HPSE2: variants seen among roughly 807,000 people sequenced by gnomAD.
HPSE2 encodes inactive heparanase-2.
Under a neutral mutation model 60.5 loss-of-function variants are expected in HPSE2, and 38 were observed. The ratio of observed to expected loss-of-function variants is 0.63; its 90% CI spans 0.48 to 0.82. The LOEUF is 0.82. Among genes scored for constraint, HPSE2 ranks in the 40% least tolerant of loss-of-function variants. The pLI is 0.00. For missense variants in HPSE2, 713 were observed against 740.4 expected (o/e 0.96, Z 0.43); for synonymous variants, 295 against 293.2 (o/e 1.01, Z -0.06).
intron 9 of HPSE2, among the ~76,000 whole-genome samples, chr10:98,589,696 T>C (rs777414023): frequency 1.3e-5 from 2 of 152,204 alleles, no homozygotes; most frequent in Non-Finnish European, 2.9e-5. Flanking sequence ...TCACATCATA[T>C]GATCCATCAC....
chr10:98,551,243 C>T (rs1943856488), intron 9 of HPSE2, among the ~76,000 whole-genome samples: 1 of 152,006 alleles, frequency 6.6e-6, no homozygotes, highest in South Asian at 2.1e-4. Flanking sequence ...CAACCAGTTG[C>T]ATGTTTTGGA....
intron 3 of HPSE2, among the ~76,000 whole-genome samples, chr10:99,012,223 T>C (rs1957034724): frequency 6.6e-6 from 1 of 152,154 alleles, no homozygotes; most frequent in Admixed American, 6.5e-5. Flanking sequence ...GATAGACTGA[T>C]TAATGGATTA....
chr10:99,115,099 T>C (rs1205479728), intron 3 of HPSE2, among the ~76,000 whole-genome samples: 1 of 151,020 alleles, frequency 6.6e-6, no homozygotes, highest in Non-Finnish European at 1.5e-5. Flanking sequence ...TCCTCCTGCC[T>C]GAGCCAACGG....
At chr10:98,942,598 T>C (rs558328576) in intron 3 of HPSE2, among the ~76,000 whole-genome samples, 1 of 152,252 alleles carries the variant, frequency 6.6e-6, no homozygotes, top group Non-Finnish European at 1.5e-5. Context: ...CTGGAGAGGA[T>C]GCAGAGAAAT....
At chr10:98,905,197 A>T (rs1045993354) in intron 3 of HPSE2, among the ~76,000 whole-genome samples, 12 of 151,742 alleles carry the variant, frequency 7.9e-5, no homozygotes, top group Admixed American at 6.6e-5. Context: ...TTTAGGGTAC[A>T]TGTGCACATT....
At chr10:98,766,659 G>A (rs138963622) in intron 3 of HPSE2, among the ~76,000 whole-genome samples, 10 of 152,206 alleles carry the variant, frequency 6.6e-5, no homozygotes, top group African/African-American at 9.6e-5. Context: ...GTGTGGTGAC[G>A]CATGCCTGTA....
the HPSE2 span, among the ~76,000 whole-genome samples, chr10:99,283,315 A>G: frequency 1.3e-5 from 2 of 151,880 alleles, no homozygotes; most frequent in Admixed American, 6.6e-5. Context: ...AATAAATATT[A>G]GAGATACATA....
At chr10:98,847,854 T>C in intron 3 of HPSE2, among the ~76,000 whole-genome samples, 1 of 152,186 alleles carries the variant, frequency 6.6e-6, no homozygotes. Flanking sequence ...GTGTGGTCCC[T>C]TTACTATTTG....
In HPSE2 at chr10:99,192,132, A is replaced by G. The variant is rs573954269; in HGVS notation, c.448+40216T>C. Among the ~76,000 whole-genome samples the G allele has an allele frequency of 3.3e-5, 5 of 152,334 alleles. No homozygotes were observed. The East Asian group carries it at 9.7e-4, about 29-fold the overall frequency. On this transcript the variant is annotated intron_variant, in intron 2 of 11. Transcript: ENST00000370552. ...AATATAGCCTCAAAATGACAAATCT[A>G]AGAGCTATTGTCCTTAAAGAAGAGG... is the stretch of plus-strand genomic sequence containing the variant.
chr10:99,270,795 G>A, the HPSE2 span, among the ~76,000 whole-genome samples: 1 of 152,136 alleles, frequency 6.6e-6, no homozygotes, highest in African/African-American at 2.4e-5. Context: ...CCATGACCAA[G>A]GGGGTTTCAT....
At chr10:98,856,996 A>G (rs983264271) in intron 3 of HPSE2, among the ~76,000 whole-genome samples, 1 of 152,096 alleles carries the variant, frequency 6.6e-6, no homozygotes, top group Non-Finnish European at 1.5e-5. Flanking sequence ...CTCCTCTATC[A>G]CTTCCTCACA....
intron 9 of HPSE2, among the ~76,000 whole-genome samples, chr10:98,529,858 C>A (rs1432911940): frequency 6.6e-6 from 1 of 152,176 alleles, no homozygotes; most frequent in Non-Finnish European, 1.5e-5. Flanking sequence ...TCATCTCTCA[C>A]CTTGTTTCTC....
At chr10:98,571,582 G>A (rs1230583758) in intron 9 of HPSE2, among the ~76,000 whole-genome samples, 3 of 152,110 alleles carry the variant, frequency 2.0e-5, no homozygotes, top group Admixed American at 6.5e-5. Flanking sequence ...ACTAACTTGA[G>A]TCTCCTAACA....
chr10:99,081,157 C>T (rs748649622), intron 3 of HPSE2, among the ~76,000 whole-genome samples: 2 of 152,038 alleles, frequency 1.3e-5, no homozygotes, highest in African/African-American at 2.4e-5. Context: ...TGCAAACATC[C>T]GAAGGTAAAG....
At chr10:98,561,779 C>T (rs145136647) in intron 9 of HPSE2, among the ~76,000 whole-genome samples, 1,586 of 152,292 alleles carry the variant, frequency 0.01, 22 homozygotes, top group African/African-American at 0.037. Flanking sequence ...ACCCAGGAGG[C>T]GGAGTTTGCA....
chr10:98,966,496 T>C lies in HPSE2; in HGVS notation c.610+177742A>G, dbSNP rs117926970. Among the ~76,000 whole-genome samples the C allele has an allele frequency of 7.7e-3, 1,165 of 152,228 alleles. 7 individuals are homozygous for C. Among genetic ancestry groups the C allele is most frequent in the South Asian group, 0.015 (70 of 4,818 alleles). On this transcript the variant is annotated intron_variant, in intron 3 of 11. Transcript: ENST00000370552. Reference sequence around the variant, plus strand: ...TACTAGTCATATATTGAATGAGAGCTGTTTATACTATAATGAAAAGACTTC... The same window carrying C: ...TACTAGTCATATATTGAATGAGAGCCGTTTATACTATAATGAAAAGACTTC...
chr10:98,688,475 T>TC (rs1565080136), intron 6 of HPSE2, among the ~76,000 whole-genome samples: 1 of 119,346 alleles, frequency 8.4e-6, no homozygotes, highest in East Asian at 3.0e-4. Flanking sequence ...CTTTTTTTTT[T>TC]TCTTTTTTTT....
chr10:98,500,135 A>G (rs1941982315), intron 9 of HPSE2, among the ~76,000 whole-genome samples: 1 of 152,204 alleles, frequency 6.6e-6, no homozygotes, highest in Admixed American at 6.5e-5. Context: ...AAGTCAACAA[A>G]GAAACAATGG....
chr10:99,279,606 C>T, the HPSE2 span, among the ~76,000 whole-genome samples: 1 of 152,190 alleles, frequency 6.6e-6, no homozygotes, highest in Admixed American at 6.5e-5. Context: ...AAATTTAATG[C>T]ATGGAACAAC....
Sources: allele counts gnomAD v4.1 joint callset (sites outside exome capture counted in the v4.1 genomes callset), GRCh38; gene constraint gnomAD v4.1.1; transcripts MANE v1.5; gene names NCBI Gene and HGNC (gene_info 2026-07-23, HGNC 2026-07-21).